Variants in LPP observed in about 807,000 individuals in gnomAD.
The protein encoded by LPP is LIM domain containing preferred translocation partner in lipoma, also known as lipoma-preferred partner.
In LPP, 38 loss-of-function variants were observed where a neutral mutation model predicts 60.4. The observed-to-expected ratio is 0.63, with a 90% CI of 0.49 to 0.83. The LOEUF is 0.83. Among genes scored for constraint, LPP ranks in the 40% least tolerant of loss-of-function variants. The probability of loss-of-function intolerance (pLI) is 0.00; values close to 1 mark genes in which losing one functional copy is unlikely to be tolerated. For synonymous variants in LPP, 328 were observed against 290.8 expected (o/e 1.13, Z -1.30); for missense variants, 902 against 783.6 (o/e 1.15, Z -1.80).
At chr3:188,825,247 T>TTC (rs61381257) in intron 9 of LPP, among the ~76,000 whole-genome samples, 7,837 of 118,072 alleles carry the variant, frequency 0.066, 497 homozygotes, top group African/African-American at 0.11. Flanking sequence ...CAGCCTTTCT[T>TTC]TCTCTCTCTC....
intron 6 of LPP, among the ~76,000 whole-genome samples, chr3:188,530,400 G>A (rs1821852222): frequency 6.6e-6 from 1 of 152,222 alleles, no homozygotes; most frequent in Non-Finnish European, 1.5e-5. Context: ...TTGTCAGGGA[G>A]TAGTTTTAGA....
chr3:188,532,650 G>C (rs6781569), intron 6 of LPP, among the ~76,000 whole-genome samples: 1 of 152,042 alleles, frequency 6.6e-6, no homozygotes, highest in Non-Finnish European at 1.5e-5. Flanking sequence ...AGCTCCATTT[G>C]TGTGAACCTG....
At chr3:188,698,831 T>C (rs940768436) in intron 7 of LPP, among the ~76,000 whole-genome samples, 1 of 152,202 alleles carries the variant, frequency 6.6e-6, no homozygotes, top group Non-Finnish European at 1.5e-5. Context: ...GTTCACCAAA[T>C]GGCATGAATT....
chr3:188,878,878 T>A lies in LPP; in HGVS notation c.*4399T>A, dbSNP rs2152075068. ...TGGAAGTATCTCATAGGTCTTTAAA[T>A]GAGTAAAACATTTTTATGCCAGAAG... is the stretch of plus-strand genomic sequence containing the variant. On this transcript the variant is annotated 3_prime_UTR_variant, in exon 12 of 12. Coordinates refer to ENST00000617246, the MANE Select transcript of LPP (RefSeq NM_001375462.1). 1 of 220,516 alleles carries A rather than the reference T, an allele frequency of 4.5e-6. No individual in the cohort carries two copies. The highest frequency in any genetic ancestry group is 6.7e-5 in the East Asian group (1 of 14,960). 13.7% of individuals were successfully genotyped at this position (220,516 alleles called of 1,614,324 possible). A position where few individuals can be genotyped will look rare whatever the true frequency, so the allele number is the denominator to read the frequency against.
intron 3 of LPP, among the ~76,000 whole-genome samples, chr3:188,401,554 A>G (rs1030580708): frequency 6.6e-6 from 1 of 152,206 alleles, no homozygotes; most frequent in Non-Finnish European, 1.5e-5. Flanking sequence ...TTTCACATTT[A>G]TAAATATTTC....
At position 188,310,217 on chromosome 3, in the gene LPP, CT is replaced by C. The variant is rs556392757; in HGVS notation, c.-66-31430del. On this transcript the variant is annotated intron_variant, in intron 2 of 11. Transcript: ENST00000617246. ...GTGAGTTTTTGTTAAAGTTGTCTTT[CT>C]TTTTTTTTTTTTTTTCTTCTTCTGG... 7.7e-3 allele frequency among the ~76,000 whole-genome samples: 1,030 copies of C among 133,578 alleles called. 6 individuals are homozygous for C. Among genetic ancestry groups the C allele is most frequent in the South Asian group, 0.03 (123 of 4,146 alleles). 87.6% of individuals were successfully genotyped at this position (133,578 alleles called of 152,430 possible). A position where few individuals can be genotyped will look rare whatever the true frequency, so the allele number is the denominator to read the frequency against.
intron 4 of LPP, among the ~76,000 whole-genome samples, chr3:188,434,704 A>T (rs760240344): frequency 2.6e-5 from 4 of 152,198 alleles, no homozygotes; most frequent in Non-Finnish European, 4.4e-5. Flanking sequence ...CAGTGTGTTC[A>T]AGAAGCACCG....
At chr3:188,606,956 T>C (rs942886593) in intron 6 of LPP, among the ~76,000 whole-genome samples, 2 of 152,188 alleles carry the variant, frequency 1.3e-5, no homozygotes, top group South Asian at 4.1e-4. Flanking sequence ...GCATGCTCTC[T>C]GCTGCAGCTG....
chr3:188,657,301 A>G (rs1853513820), intron 7 of LPP, among the ~76,000 whole-genome samples: 1 of 70,814 alleles, frequency 1.4e-5, no homozygotes, highest in East Asian at 6.3e-4. Context: ...CAGATAGTAT[A>G]GTACATTTAC....
At chr3:188,192,369 C>T (rs1426452749) in intron 1 of LPP, among the ~76,000 whole-genome samples, 4 of 152,146 alleles carry the variant, frequency 2.6e-5, no homozygotes, top group Non-Finnish European at 4.4e-5. Flanking sequence ...GGATTTTGTG[C>T]TCAGGTAATT....
chr3:188,774,614 T>TG (rs1432662740), intron 9 of LPP, among the ~76,000 whole-genome samples: 1 of 152,172 alleles, frequency 6.6e-6, no homozygotes, highest in Non-Finnish European at 1.5e-5. Flanking sequence ...AAGGACTGAG[T>TG]GCCTTAAATA....
intron 8 of LPP, among the ~76,000 whole-genome samples, chr3:188,731,814 G>C (rs111796826): frequency 3.3e-5 from 5 of 152,120 alleles, no homozygotes; most frequent in African/African-American, 1.2e-4. Context: ...GAGCCACCGC[G>C]CCTGGCCTGT....
chr3:188,776,236 AG>A (rs770049712), intron 9 of LPP, among the ~76,000 whole-genome samples: 3 of 152,206 alleles, frequency 2.0e-5, no homozygotes, highest in Non-Finnish European at 2.9e-5. Context: ...TGGGGAGAGG[AG>A]GGGACTGGCA....
intron 4 of LPP, among the ~76,000 whole-genome samples, chr3:188,440,385 C>A (rs1264715543): frequency 6.6e-6 from 1 of 152,056 alleles, no homozygotes; most frequent in Admixed American, 6.5e-5. Context: ...ACTTAGTAAG[C>A]ACTTACTGAA....
chr3:188,645,979 A>C (rs1851039157), intron 7 of LPP, among the ~76,000 whole-genome samples: 1 of 152,162 alleles, frequency 6.6e-6, no homozygotes, highest in Non-Finnish European at 1.5e-5. Context: ...TACATATTCC[A>C]AGACTTGGCT....
chr3:188,808,361 G>A (rs1347437128), intron 9 of LPP, among the ~76,000 whole-genome samples: 1 of 152,130 alleles, frequency 6.6e-6, no homozygotes, highest in Non-Finnish European at 1.5e-5. Context: ...ATTTTCTGCT[G>A]TTACCTTCAG....
At chr3:188,497,933 T>A (rs1810720694) in intron 5 of LPP, among the ~76,000 whole-genome samples, 2 of 152,180 alleles carry the variant, frequency 1.3e-5, no homozygotes, top group South Asian at 2.1e-4. Flanking sequence ...ACAGATTCAT[T>A]AAATGAGACC....
At chr3:188,391,996 C>G (rs1369817385) in intron 3 of LPP, among the ~76,000 whole-genome samples, 1 of 152,194 alleles carries the variant, frequency 6.6e-6, no homozygotes, top group Non-Finnish European at 1.5e-5. Context: ...CTTTTGCAAT[C>G]AAACCTTACC....
chr3:188,597,904 T>G (rs1274220452), intron 6 of LPP, among the ~76,000 whole-genome samples: 1 of 151,618 alleles, frequency 6.6e-6, no homozygotes, highest in Non-Finnish European at 1.5e-5. Flanking sequence ...CCACATGGAG[T>G]TTAGAGAGGA....
Sources: gnomAD v4.1 joint callset for allele counts (sites outside exome capture counted in the v4.1 genomes callset) on GRCh38, gnomAD v4.1.1 for gene constraint, MANE v1.5 for transcripts, NCBI Gene and HGNC (gene_info 2026-07-23, HGNC 2026-07-21) for gene names.